PDE4D: variants seen among roughly 807,000 people sequenced by gnomAD.
The protein encoded by PDE4D is 3',5'-cyclic-AMP phosphodiesterase 4D.
Under a neutral mutation model 87.4 loss-of-function variants are expected in PDE4D, and 24 were observed. The observed-to-expected ratio is 0.27, with a 90% confidence interval of 0.20 to 0.39. PDE4D has a LOEUF of 0.39. Ranked by LOEUF, PDE4D falls within the 10% of genes least tolerant of loss-of-function variation. PDE4D has a pLI of 1.00. For missense variants in PDE4D, 714 were observed against 1,041.0 expected (o/e 0.69, Z 4.32); for synonymous variants, 384 against 383.2 (o/e 1.00, Z -0.02).
chr5:59,232,115 A>G (rs1182384526), intron 1 of PDE4D, among the ~76,000 whole-genome samples: 1 of 152,224 alleles, frequency 6.6e-6, no homozygotes, highest in Non-Finnish European at 1.5e-5. Context: ...CCAGATCGAA[A>G]TAGGCTTCCC....
chr5:59,433,420 C>CAG (rs983169474), intron 1 of PDE4D, among the ~76,000 whole-genome samples: 8 of 152,042 alleles, frequency 5.3e-5, no homozygotes, highest in African/African-American at 1.9e-4. Flanking sequence ...GCCAAGAATT[C>CAG]AGAGTCTGTG....
intron 1 of PDE4D, among the ~76,000 whole-genome samples, chr5:59,862,028 G>A (rs1746350759): frequency 6.6e-6 from 1 of 152,146 alleles, no homozygotes; most frequent in Admixed American, 6.5e-5. Context: ...CTGTGCCAGT[G>A]CTATTGGCCT....
intron 1 of PDE4D, among the ~76,000 whole-genome samples, chr5:60,467,028 A>T (rs1431642215): frequency 6.7e-6 from 1 of 149,592 alleles, no homozygotes; most frequent in Non-Finnish European, 1.5e-5. Context: ...ATATTTTTTT[A>T]TTTTATTTTA....
chr5:59,469,390 C>A (rs1802088891), intron 1 of PDE4D, among the ~76,000 whole-genome samples: 1 of 151,960 alleles, frequency 6.6e-6, no homozygotes, highest in African/African-American at 2.4e-5. Flanking sequence ...ATGTGGCATA[C>A]AAAAGAGAAA....
intron 1 of PDE4D, among the ~76,000 whole-genome samples, chr5:59,247,005 T>C (rs886486497): frequency 1.3e-5 from 2 of 152,194 alleles, no homozygotes; most frequent in African/African-American, 4.8e-5. Flanking sequence ...CACATGCCTA[T>C]GTTACACATT....
chr5:60,248,728 T>C (rs1748078875), intron 1 of PDE4D, among the ~76,000 whole-genome samples: 1 of 152,062 alleles, frequency 6.6e-6, no homozygotes, highest in Admixed American at 6.6e-5. Context: ...CTTCCACTTC[T>C]TGCCCTTGGT....
At chr5:59,200,667 GTA>G (rs1747046631) in intron 2 of PDE4D, among the ~76,000 whole-genome samples, 1 of 67,072 alleles carries the variant, frequency 1.5e-5, no homozygotes, top group Admixed American at 1.5e-4. Flanking sequence ...ATATGTGTAT[GTA>G]TAGATACACG....
intron 5 of PDE4D, among the ~76,000 whole-genome samples, chr5:59,041,737 C>A (rs1461605414): frequency 6.6e-6 from 1 of 152,200 alleles, no homozygotes; most frequent in East Asian, 1.9e-4. Context: ...TAAACTGCCC[C>A]CTTCCTCCAT....
intron 1 of PDE4D, among the ~76,000 whole-genome samples, chr5:59,743,962 G>C (rs1458330202): frequency 1.3e-5 from 2 of 152,092 alleles, no homozygotes; most frequent in Non-Finnish European, 2.9e-5. Flanking sequence ...CAGATCGATA[G>C]ATAGATACAG....
At position 59,893,449 on chromosome 5, in the gene PDE4D, G is replaced by C; in HGVS notation, c.174C>G (p.Pro58=). The change falls in exon 1 of 15, where the codon CCC becomes CCG. Residue 58 remains proline (P), a synonymous_variant. Transcript: ENST00000340635. ...FRLLHPHHHL[P]PPPPPSPQPQ... ...GCTGGGGCGAGGGTGGCGGCGGCGG[G>C]GGCAGGTGGTGATGGGGATGCAGGA... 5 of 1,518,898 alleles carry C rather than the reference G, an allele frequency of 3.3e-6. No homozygotes were observed. The highest frequency in any genetic ancestry group is 3.5e-6 in the Non-Finnish European group (4 of 1,131,348). The allele number at this position is 1,518,898 out of a possible 1,614,324, so 94.1% of individuals were successfully genotyped here.
At chr5:59,623,629 G>A (rs1236475092) in intron 1 of PDE4D, among the ~76,000 whole-genome samples, 1 of 152,004 alleles carries the variant, frequency 6.6e-6, no homozygotes. Flanking sequence ...GAACAACCAG[G>A]TCCCCAGAGT....
intron 5 of PDE4D, among the ~76,000 whole-genome samples, chr5:59,069,833 CT>C (rs1764472976): frequency 6.6e-6 from 1 of 151,950 alleles, no homozygotes; most frequent in Non-Finnish European, 1.5e-5. Flanking sequence ...TAAAAGGAGC[CT>C]GTCTTCATTA....
At chr5:59,609,797 A>T (rs1252917652) in intron 1 of PDE4D, among the ~76,000 whole-genome samples, 1 of 152,196 alleles carries the variant, frequency 6.6e-6, no homozygotes, top group African/African-American at 2.4e-5. Flanking sequence ...CCCGAACCTC[A>T]GCCACAAACT....
At chr5:60,466,894 A>T (rs1288541029) in intron 1 of PDE4D, among the ~76,000 whole-genome samples, 1 of 58,120 alleles carries the variant, frequency 1.7e-5, no homozygotes, top group African/African-American at 6.7e-5. Flanking sequence ...GCCCACCCCC[A>T]CCCAGTATAG....
At chr5:59,460,293 A>T (rs1800572667) in intron 1 of PDE4D, among the ~76,000 whole-genome samples, 1 of 152,204 alleles carries the variant, frequency 6.6e-6, no homozygotes, top group African/African-American at 2.4e-5. Context: ...TTTAATGTAA[A>T]ATTAAAGTAG....
intron 6 of PDE4D, among the ~76,000 whole-genome samples, chr5:59,007,202 A>G (rs1751796878): frequency 6.6e-6 from 1 of 152,216 alleles, no homozygotes; most frequent in African/African-American, 2.4e-5. Flanking sequence ...TGTTTGCAGT[A>G]GGACTTACAT....
intron 5 of PDE4D, among the ~76,000 whole-genome samples, chr5:59,090,141 T>C (rs991532063): frequency 2.6e-5 from 4 of 152,168 alleles, no homozygotes; most frequent in African/African-American, 9.7e-5. Context: ...GGAATAAAAC[T>C]ATAAAAATTA....
intron 1 of PDE4D, chr5:59,768,374 C>T (rs756937739): frequency 6.3e-7 from 1 of 1,598,372 alleles, no homozygotes; most frequent in Admixed American, 1.7e-5. Flanking sequence ...GATTTCCTCG[C>T]TGTCTTGGAC....
chr5:59,039,345 G>T (rs576067244), intron 5 of PDE4D: 70 of 1,036,976 alleles, frequency 6.8e-5, no homozygotes, highest in Non-Finnish European at 8.0e-5. Flanking sequence ...TGGCGAGGGG[G>T]TGGCGAGCGC....
Sources: allele counts gnomAD v4.1 joint callset (sites outside exome capture counted in the v4.1 genomes callset), GRCh38; gene constraint gnomAD v4.1.1; transcripts MANE v1.5; gene names NCBI Gene and HGNC (gene_info 2026-07-23, HGNC 2026-07-21).